The following LMF1 variants were observed in gnomAD, a reference collection of about 807,000 sequenced individuals.
LMF1 encodes the protein transmembrane protein 112.
Under a neutral mutation model 60.6 loss-of-function variants are expected in LMF1, and 68 were observed. The observed-to-expected ratio is 1.12, with a 90% CI of 0.92 to 1.37. LMF1 has a LOEUF of 1.37. Among genes scored for constraint, LMF1 ranks in the 40% most tolerant of loss-of-function variants. The probability of loss-of-function intolerance (pLI) is 0.00; values close to 1 mark genes in which losing one functional copy is unlikely to be tolerated. For synonymous variants in LMF1, 418 were observed against 324.7 expected (o/e 1.29, Z -3.09); for missense variants, 948 against 767.2 (o/e 1.24, Z -2.78).
chr16:951,055 T>TCAGCCAAC (rs2072448412), intron 2 of LMF1, among the ~76,000 whole-genome samples: 1 of 39,248 alleles, frequency 2.5e-5, no homozygotes, highest in Non-Finnish European at 4.0e-5. Context: ...AGTCAGCCAA[T>TCAGCCAAC]GACAGAGTCA....
chr16:863,858 T>C (rs1387587880), intron 10 of LMF1, among the ~76,000 whole-genome samples: 5 of 152,234 alleles, frequency 3.3e-5, no homozygotes, highest in Non-Finnish European at 2.9e-5. Context: ...TCTTTTCTAA[T>C]GTATGCATTT....
At position 874,204 on chromosome 16, in the gene LMF1, G is replaced by A. The variant is rs773183459; in HGVS notation, c.898-2863C>T. On this transcript the variant is annotated intron_variant, in intron 6 of 10. Coordinates refer to ENST00000262301, the MANE Select transcript of LMF1 (RefSeq NM_022773.4). The surrounding 1 kb of genome is among the most constrained non-coding windows in gnomAD (Gnocchi z 4.1). ...TTATCTGTGTTGTTTCATCACAACC[G>A]AAACACAGCTAAGGGCCGGTGAGCC... 3.3e-5 allele frequency among the ~76,000 whole-genome samples: 5 copies of A among 152,250 alleles called. No homozygotes were observed. Among genetic ancestry groups the A allele is most frequent in the Non-Finnish European group, 7.3e-5 (5 of 68,028 alleles).
upstream of LMF1, among the ~76,000 whole-genome samples, chr16:975,008 A>G (rs1000473052): frequency 1.3e-5 from 2 of 151,824 alleles, no homozygotes; most frequent in Non-Finnish European, 2.9e-5. Flanking sequence ...GTGACTGTCC[A>G]GCGGCCAACC....
intron 3 of LMF1, among the ~76,000 whole-genome samples, chr16:926,377 A>G (rs1363165207): frequency 6.6e-6 from 1 of 151,888 alleles, no homozygotes; most frequent in African/African-American, 2.4e-5. Context: ...TATGATCTGC[A>G]TTGTGTCATG....
Position 869,002 on chromosome 16 carries a change from C to T in LMF1, c.1471G>A (p.Asp491Asn), listed in dbSNP as rs532127028. Reference sequence around the variant, plus strand: ...GCCAGCAGGGACAAGGCCTCGGCGTCGCTGGCCAGGAGCTTGCCAGCCAGG... The same window carrying T: ...GCCAGCAGGGACAAGGCCTCGGCGTTGCTGGCCAGGAGCTTGCCAGCCAGG... ...IHLAGKLLAS[D>N]AEALSLLAHN... Residue 491 changes from aspartate to asparagine, a missense_variant, in exon 10 of 11, where the codon GAC becomes AAC. Transcript: ENST00000262301. 170 of 1,612,582 alleles carry T rather than the reference C, an allele frequency of 1.1e-4. No homozygotes were observed. In the East Asian group the frequency reaches 2.1e-3, roughly 20 times the overall value.
At chr16:876,180 G>C (rs977366011) in intron 6 of LMF1, among the ~76,000 whole-genome samples, 4 of 152,380 alleles carry the variant, frequency 2.6e-5, no homozygotes, top group Middle Eastern at 6.8e-3. Context: ...CGGGCGTCTC[G>C]GAACCGAAGA....
rs570798359 is a variant in LMF1, at chr16:905,278, C to T, written c.663+5653G>A. 103 of 150,840 alleles carry T rather than the reference C, an allele frequency of 6.8e-4. 1 individual carries two copies. In the South Asian group the frequency reaches 0.012, roughly 18 times the overall value. The allele number at this position is 150,840 out of a possible 1,614,324, so 9.3% of individuals were successfully genotyped here. A position where few individuals can be genotyped will look rare whatever the true frequency, so the allele number is the denominator to read the frequency against. On this transcript the variant is annotated intron_variant, in intron 4 of 10. Coordinates refer to ENST00000262301, the MANE Select transcript of LMF1 (RefSeq NM_022773.4). ...GCATGGTGGTGACCTCTGCACTGCC[C>T]GTGGGGACGCCTGTCTCTGCTGCGT...
In LMF1 at chr16:879,825, C is replaced by T. The variant is rs921614596; in HGVS notation, c.730-88G>A. The T allele has an allele frequency of 2.1e-5, 28 of 1,332,604 alleles. No homozygotes were observed. The African/African-American group carries it at 3.6e-4, about 17-fold the overall frequency. The allele number at this position is 1,332,604 out of a possible 1,614,324, so 82.5% of individuals were successfully genotyped here. A position where few individuals can be genotyped will look rare whatever the true frequency, so the allele number is the denominator to read the frequency against. On this transcript the variant is annotated intron_variant, in intron 5 of 10. Transcript: ENST00000262301. ...GCTTGTGGGTCCCTGGCCCCCTGAC[C>T]CCGGCTCCTACTGCACACAGGATCC...
At chr16:860,602 A>C (rs2069433148) in intron 10 of LMF1, among the ~76,000 whole-genome samples, 1 of 152,002 alleles carries the variant, frequency 6.6e-6, no homozygotes, top group South Asian at 2.1e-4. Flanking sequence ...TGGCCTCCCA[A>C]AGTGCTGGGA....
chr16:953,878 CCCCAA>C (rs1567311357), intron 2 of LMF1, among the ~76,000 whole-genome samples: 3 of 76,838 alleles, frequency 3.9e-5, no homozygotes, highest in African/African-American at 1.6e-4. Flanking sequence ...CACACAGACA[CCCCAA>C]ACCAGCCTCC....
intron 3 of LMF1, among the ~76,000 whole-genome samples, chr16:915,831 G>T (rs566228298): frequency 2.0e-4 from 31 of 152,210 alleles, no homozygotes; most frequent in African/African-American, 6.8e-4. Context: ...GGGGGCCGGA[G>T]CAGGTGAGAT....
chr16:954,688 A>G, intron 1 of LMF1, 22 bp from the exon 2 acceptor site: 1 of 1,566,436 alleles, frequency 6.4e-7, no homozygotes, highest in Non-Finnish European at 8.6e-7. Flanking sequence ...AGAAGACAAA[A>G]CAAGCATGAC....
upstream of LMF1, among the ~76,000 whole-genome samples, chr16:974,842 GGAAGCCAGTGTGGGCCC>G (rs1022459634): frequency 3.9e-5 from 6 of 152,238 alleles, no homozygotes; most frequent in African/African-American, 1.4e-4. Flanking sequence ...GGCACCCGCA[GGAAGCCAGTGTGGGCCC>G]GAAGATAATC....
chr16:927,928 C>A (rs1013813187), intron 3 of LMF1, among the ~76,000 whole-genome samples: 1 of 152,194 alleles, frequency 6.6e-6, no homozygotes, highest in African/African-American at 2.4e-5. Flanking sequence ...TTGGCCTGTG[C>A]GGGGACAGCC....
At position 870,709 on chromosome 16, in the gene LMF1, C is replaced by T. The variant is rs149871283; in HGVS notation, c.1232+20G>A. On this transcript the variant is annotated intron_variant, in intron 8 of 10. Coordinates refer to ENST00000262301, the MANE Select transcript of LMF1 (RefSeq NM_022773.4). The stretch of plus-strand genomic sequence containing the variant: ...TCCCCATATACCCAGCTCCGGGGGA[C>T]GGGGACCCCAGGCTCATACCTTCCG... 5.9e-3 allele frequency: 9,550 copies of T among 1,611,994 alleles called. 33 individuals carry two copies. Among genetic ancestry groups the T allele is most frequent in the Non-Finnish European group, 7.1e-3 (8,395 of 1,179,588 alleles).
chr16:916,129 G>A (rs1490265428), intron 3 of LMF1, among the ~76,000 whole-genome samples: 1 of 152,196 alleles, frequency 6.6e-6, no homozygotes, highest in Non-Finnish European at 1.5e-5. Context: ...ACGCTTTGGA[G>A]GTGCAAGTCA....
intron 1 of LMF1, among the ~76,000 whole-genome samples, chr16:967,744 G>A (rs1211329130): frequency 6.6e-6 from 1 of 152,216 alleles, no homozygotes; most frequent in Non-Finnish European, 1.5e-5. Flanking sequence ...GGGTGTCCAG[G>A]ATACGCAGGC....
chr16:860,721 C>T (rs1238328306), intron 10 of LMF1, among the ~76,000 whole-genome samples: 3 of 151,848 alleles, frequency 2.0e-5, no homozygotes, highest in African/African-American at 7.3e-5. Context: ...AGACGTGGGT[C>T]GAAGATTTTG....
intron 3 of LMF1, chr16:933,145 C>G (rs763871432): frequency 1.3e-5 from 2 of 152,228 alleles, no homozygotes; most frequent in African/African-American, 4.8e-5. Flanking sequence ...CAGAGCCGCA[C>G]GCCCTGACGG....
Sources: gnomAD v4.1 joint callset for allele counts (sites outside exome capture counted in the v4.1 genomes callset) on GRCh38, gnomAD v4.1.1 for gene constraint, Gnocchi (gnomAD v3.1) non-coding constraint, MANE v1.5 for transcripts, NCBI Gene and HGNC (gene_info 2026-07-23, HGNC 2026-07-21) for gene names.